The following CCDC81 variants were observed in gnomAD, a reference collection of about 807,000 sequenced individuals.
CCDC81 encodes coiled-coil domain-containing protein 81.
Under a neutral mutation model 83.7 loss-of-function variants are expected in CCDC81, and 79 were observed. The ratio of observed to expected loss-of-function variants is 0.94; its 90% CI spans 0.79 to 1.14. CCDC81 has a LOEUF of 1.14. CCDC81 is among the 50% of genes most tolerant of loss of function. The pLI is 0.00. For missense variants in CCDC81, 791 were observed against 778.1 expected, an observed-to-expected ratio of 1.02 and a Z score of -0.20; for synonymous variants, 252 against 278.1, an observed-to-expected ratio of 0.91 and a Z score of 0.93.
At chr11:86,420,361 G>C (rs907952224) in intron 14 of CCDC81, among the ~76,000 whole-genome samples, 2 of 152,110 alleles carry the variant, frequency 1.3e-5, no homozygotes, top group Non-Finnish European at 2.9e-5. Flanking sequence ...TGGAAGTAGG[G>C]GGAGTGAGTT....
At chr11:86,398,706 G>A (rs1227578791) in intron 6 of CCDC81, among the ~76,000 whole-genome samples, 1 of 152,100 alleles carries the variant, frequency 6.6e-6, no homozygotes, top group Non-Finnish European at 1.5e-5. Context: ...GGAAGTAGCT[G>A]GGACTACAGG....
intron 11 of CCDC81, 86 bp from the exon 12 acceptor site, chr11:86,414,703 C>T: frequency 1.3e-6 from 1 of 767,438 alleles, no homozygotes; most frequent in Non-Finnish European, 2.2e-6. Flanking sequence ...CTATTTAATA[C>T]TTATTAAACA....
At chr11:86,378,718 G>T (rs1460987674) in intron 1 of CCDC81, among the ~76,000 whole-genome samples, 1 of 152,124 alleles carries the variant, frequency 6.6e-6, no homozygotes, top group Admixed American at 6.5e-5. Flanking sequence ...CTATTATTAT[G>T]TAATGCTCTT....
At chr11:86,395,531 C>A (rs1162070749) in intron 5 of CCDC81, 118 bp downstream of exon 5, 2 of 708,456 alleles carry the variant, frequency 2.8e-6, no homozygotes, top group African/African-American at 3.6e-5. Flanking sequence ...TGTATTCTGT[C>A]TGTCTCTCCC....
chr11:86,409,238 C>T, intron 9 of CCDC81, 23 bp from the exon 10 acceptor site: 1 of 937,932 alleles, frequency 1.1e-6, no homozygotes, highest in Non-Finnish European at 1.5e-6. Context: ...TAAAAATAAA[C>T]TTTTTTTTTT....
At chr11:86,408,420 C>T in intron 9 of CCDC81, 150 bp downstream of exon 9, 1 of 641,106 alleles carries the variant, frequency 1.6e-6, no homozygotes, top group Non-Finnish European at 2.4e-6. Flanking sequence ...GCAGCCTTGA[C>T]CTACTTGGGC....
intron 3 of CCDC81, among the ~76,000 whole-genome samples, chr11:86,391,852 G>A (rs576197529): frequency 2.2e-4 from 34 of 152,310 alleles, no homozygotes; most frequent in African/African-American, 7.0e-4. Context: ...AGGCTGTACA[G>A]AAGTATGGCT....
intron 1 of CCDC81, among the ~76,000 whole-genome samples, chr11:86,381,057 T>C (rs1948170698): frequency 6.6e-6 from 1 of 151,788 alleles, no homozygotes; most frequent in East Asian, 1.9e-4. Flanking sequence ...TTTAGTAATG[T>C]AGGGGTAGAG....
chr11:86,384,294 G>A (rs1223641364), intron 1 of CCDC81, among the ~76,000 whole-genome samples: 1 of 152,160 alleles, frequency 6.6e-6, no homozygotes, highest in Admixed American at 6.5e-5. Context: ...GCAGCCTGTA[G>A]TAGAATCTAT....
At position 86,375,387 on chromosome 11, in the gene CCDC81, C is replaced by T. The variant is rs1948086132; in HGVS notation, c.79+145C>T. 7 of 649,904 alleles carry T rather than the reference C, an allele frequency of 1.1e-5. No individual in the cohort carries two copies. In the East Asian group the frequency reaches 1.9e-4, roughly 17 times the overall value. 40.3% of individuals were successfully genotyped at this position (649,904 alleles called of 1,614,324 possible). On this transcript the variant is annotated intron_variant, in intron 1 of 14. Transcript: ENST00000445632. ...TGCCTTGACAACCAGCTGGTAATCA[C>T]ATCCTGCCCACGTTGGACGCCCAGA...
intron 1 of CCDC81, among the ~76,000 whole-genome samples, chr11:86,384,827 T>G (rs1253114133): frequency 6.6e-6 from 1 of 152,198 alleles, no homozygotes; most frequent in Non-Finnish European, 1.5e-5. Flanking sequence ...AAACACATGG[T>G]TAGGTCTGGA....
At chr11:86,394,052 G>A (rs981293990) in intron 4 of CCDC81, among the ~76,000 whole-genome samples, 1 of 152,168 alleles carries the variant, frequency 6.6e-6, no homozygotes, top group African/African-American at 2.4e-5. Flanking sequence ...ATTGCTAAGA[G>A]GATTGCCAAC....
At position 86,386,119 on chromosome 11, in the gene CCDC81, TTTA is replaced by T; in HGVS notation, c.141+11_141+13del. On this transcript the variant is annotated splice_region_variant and intron_variant, in intron 2 of 14. Coordinates refer to ENST00000445632, the MANE Select transcript of CCDC81 (RefSeq NM_001156474.2). ...GCAGTTAACCCTGCACAAGGTAAGA[TTTA>T]TTAATTTATTAATTTATTAATAAAT... 1 of 860,662 alleles carries T rather than the reference TTTA, an allele frequency of 1.2e-6. No individual in the cohort carries two copies. The highest frequency in any genetic ancestry group is 1.6e-6 in the Non-Finnish European group (1 of 624,808). 53.3% of individuals were successfully genotyped at this position (860,662 alleles called of 1,614,324 possible).
intron 3 of CCDC81, among the ~76,000 whole-genome samples, chr11:86,391,734 C>T (rs1948331912): frequency 6.6e-6 from 1 of 152,114 alleles, no homozygotes; most frequent in South Asian, 2.1e-4. Context: ...GGCATGATAA[C>T]TGGAGGAGAT....
intron 7 of CCDC81, among the ~76,000 whole-genome samples, chr11:86,406,851 T>C (rs956420341): frequency 7.2e-5 from 11 of 152,140 alleles, no homozygotes; most frequent in Non-Finnish European, 1.6e-4. Context: ...ATATTTTCAT[T>C]CTTCGAGCTG....
At chr11:86,388,576 G>T (rs983430964) in intron 3 of CCDC81, among the ~76,000 whole-genome samples, 1 of 152,180 alleles carries the variant, frequency 6.6e-6, no homozygotes, top group African/African-American at 2.4e-5. Context: ...AGTCACTTGA[G>T]TAACTTTCTA....
At chr11:86,385,598 C>T (rs1236217907) in intron 1 of CCDC81, among the ~76,000 whole-genome samples, 2 of 152,186 alleles carry the variant, frequency 1.3e-5, no homozygotes, top group Non-Finnish European at 2.9e-5. Flanking sequence ...GTACACACAA[C>T]AGCCTTTCAC....
intron 11 of CCDC81, 193 bp from the exon 12 acceptor site, chr11:86,414,596 T>C (rs1276947441): frequency 1.1e-5 from 6 of 549,230 alleles, no homozygotes; most frequent in Non-Finnish European, 1.9e-5. Context: ...CATGAGCCAC[T>C]GTGCCTGGCC....
intron 5 of CCDC81, 46 bp from the exon 6 acceptor site, chr11:86,397,575 C>G: frequency 6.4e-7 from 1 of 1,567,038 alleles, no homozygotes; most frequent in Non-Finnish European, 8.6e-7. Flanking sequence ...ACACAGTTAC[C>G]TGTTCAGGTT....
Sources: allele counts gnomAD v4.1 joint callset (sites outside exome capture counted in the v4.1 genomes callset), GRCh38; gene constraint gnomAD v4.1.1; transcripts MANE v1.5; gene names NCBI Gene and HGNC (gene_info 2026-07-23, HGNC 2026-07-21).